CDH3: variants seen among roughly 807,000 people sequenced by gnomAD.
CDH3 encodes the protein cadherin-3.
In CDH3, 54 loss-of-function variants were observed where a neutral mutation model predicts 82.0. The ratio of observed to expected loss-of-function variants is 0.66; its 90% CI spans 0.53 to 0.83. The LOEUF is 0.83. CDH3 is among the 40% of genes least tolerant of loss of function. The probability of loss-of-function intolerance (pLI) is 0.00; values close to 1 mark genes in which losing one functional copy is unlikely to be tolerated. For missense variants in CDH3, 1,054 were observed against 1,084.6 expected (o/e 0.97, Z 0.40); for synonymous variants, 446 against 437.9 (o/e 1.02, Z -0.23).
intron 7 of CDH3, among the ~76,000 whole-genome samples, 158 bp downstream of exon 7, chr16:68,680,132 C>A (rs909624009): frequency 2.0e-5 from 3 of 152,250 alleles, no homozygotes; most frequent in African/African-American, 7.2e-5. Flanking sequence ...ACATGCCATG[C>A]CCCTGGTTCC....
In CDH3 at chr16:68,698,459, C is replaced by G. The variant is rs1208885359; in HGVS notation, c.*59C>G. On this transcript the variant is annotated 3_prime_UTR_variant, in exon 16 of 16. Coordinates refer to ENST00000264012, the MANE Select transcript of CDH3 (RefSeq NM_001793.6). ...AGGCCACAGAGCATCTCCAAGGGGTCTCAGTTCCCCCTTCAGCTGAGGACT... is the reference window on the plus strand; with the variant it reads ...AGGCCACAGAGCATCTCCAAGGGGTGTCAGTTCCCCCTTCAGCTGAGGACT... 3.4e-5 allele frequency: 50 copies of G among 1,485,318 alleles called. No individual in the cohort carries two copies. In the East Asian group the frequency reaches 1.1e-3, roughly 32 times the overall value. 92.0% of individuals were successfully genotyped at this position (1,485,318 alleles called of 1,614,324 possible).
At chr16:68,648,266 A>G (rs144421087) in intron 2 of CDH3, among the ~76,000 whole-genome samples, 17 of 152,296 alleles carry the variant, frequency 1.1e-4, no homozygotes, top group African/African-American at 4.1e-4. Flanking sequence ...ACCTCCTGGT[A>G]TATGCCCAGG....
intron 1 of CDH3, among the ~76,000 whole-genome samples, chr16:68,706,796 C>T (rs1439186691): frequency 7.2e-5 from 11 of 151,992 alleles, no homozygotes; most frequent in Admixed American, 1.3e-4. Context: ...TCAAATGATC[C>T]GCCTGCCTCA....
At chr16:68,684,146 G>T (rs1961326324) in intron 9 of CDH3, among the ~76,000 whole-genome samples, 1 of 151,544 alleles carries the variant, frequency 6.6e-6, no homozygotes, top group Admixed American at 6.6e-5. Flanking sequence ...TGGGAAGATA[G>T]CTTGAGCCCA....
At chr16:68,682,133 C>T (rs1961244766) in intron 8 of CDH3, among the ~76,000 whole-genome samples, 169 bp from the exon 9 acceptor site, 2 of 151,394 alleles carry the variant, frequency 1.3e-5, no homozygotes, top group South Asian at 2.1e-4. Context: ...GAGGCTGCTG[C>T]TGGGGACATC....
At chr16:68,682,092 C>T (rs1222156134) in intron 8 of CDH3, among the ~76,000 whole-genome samples, 1 of 149,876 alleles carries the variant, frequency 6.7e-6, no homozygotes, top group Non-Finnish European at 1.5e-5. Flanking sequence ...AAAGCAGGCA[C>T]AGGATTGGTG....
At chr16:68,690,254 A>G (rs1330314333) in intron 12 of CDH3, among the ~76,000 whole-genome samples, 1 of 152,212 alleles carries the variant, frequency 6.6e-6, no homozygotes, top group Non-Finnish European at 1.5e-5. Flanking sequence ...GTGATAACAC[A>G]GGTTAGCATC....
intron 2 of CDH3, among the ~76,000 whole-genome samples, chr16:68,669,071 C>T (rs905618357): frequency 6.6e-6 from 1 of 152,196 alleles, no homozygotes; most frequent in Non-Finnish European, 1.5e-5. Flanking sequence ...TTCTGGACTC[C>T]AAATTTCGTA....
intron 2 of CDH3, among the ~76,000 whole-genome samples, chr16:68,665,577 C>T (rs939576225): frequency 2.0e-5 from 3 of 152,200 alleles, no homozygotes; most frequent in South Asian, 2.1e-4. Context: ...AAGTGATTGA[C>T]GCAAGGCTGC....
chr16:68,664,936 C>G (rs2048254439), intron 2 of CDH3, among the ~76,000 whole-genome samples: 1 of 152,104 alleles, frequency 6.6e-6, no homozygotes, highest in African/African-American at 2.4e-5. Flanking sequence ...AGGCATGAGC[C>G]ACTGTGCCTA....
chr16:68,692,452 A>G (rs1447080340), intron 13 of CDH3, among the ~76,000 whole-genome samples: 2 of 152,210 alleles, frequency 1.3e-5, no homozygotes, highest in Non-Finnish European at 1.5e-5. Context: ...CGGCCCTGCC[A>G]TCAGGTCATC....
chr16:68,687,380 T>C (rs1961441082), intron 11 of CDH3, 132 bp from the exon 12 acceptor site: 1 of 694,698 alleles, frequency 1.4e-6, no homozygotes, highest in African/African-American at 1.7e-5. Flanking sequence ...AACTGGCATG[T>C]ATGTGCCATG....
At chr16:68,712,722 C>T (rs1962045990) in intron 1 of CDH3, among the ~76,000 whole-genome samples, 1 of 152,012 alleles carries the variant, frequency 6.6e-6, no homozygotes, top group Non-Finnish European at 1.5e-5. Context: ...CCCTCTGTCA[C>T]CCAGGCTGGA....
chr16:68,705,091 A>G (rs942385546), downstream of CDH3, among the ~76,000 whole-genome samples: 1 of 152,148 alleles, frequency 6.6e-6, no homozygotes, highest in Non-Finnish European at 1.5e-5. Flanking sequence ...GAGAGAGGTT[A>G]ATGGCCACAT....
chr16:68,730,074 A>G (rs1457082102), downstream of CDH3, among the ~76,000 whole-genome samples: 1 of 151,866 alleles, frequency 6.6e-6, no homozygotes, highest in East Asian at 1.9e-4. Flanking sequence ...CTCTACTAAA[A>G]ATACAAAAAT....
chr16:68,680,595 C>T (rs567658029), intron 7 of CDH3, among the ~76,000 whole-genome samples: 21 of 152,310 alleles, frequency 1.4e-4, no homozygotes, highest in African/African-American at 5.1e-4. Context: ...AGGAGAATCA[C>T]TTGAACCTGG....
intron 1 of CDH3, among the ~76,000 whole-genome samples, chr16:68,709,789 G>A (rs1962005757): frequency 6.6e-6 from 1 of 152,096 alleles, no homozygotes; most frequent in Non-Finnish European, 1.5e-5. Flanking sequence ...ACCATCATCA[G>A]CCCAGCTGCC....
chr16:68,733,464 C>T, the CDH3 span, among the ~76,000 whole-genome samples: 4 of 151,868 alleles, frequency 2.6e-5, no homozygotes, highest in Admixed American at 6.6e-5. Flanking sequence ...AAACAGAGGG[C>T]AGGCACAGTG....
At position 68,686,421 on chromosome 16, in the gene CDH3, C is replaced by T. The variant is rs140946413; in HGVS notation, c.1570+1071C>T. The T allele has an allele frequency of 7.4e-3, 10,112 of 1,367,496 alleles. 88 individuals carry two copies. Among genetic ancestry groups the T allele is most frequent in the Middle Eastern group, 9.9e-3 (55 of 5,546 alleles). 84.7% of individuals were successfully genotyped at this position (1,367,496 alleles called of 1,614,324 possible). On this transcript the variant is annotated intron_variant, in intron 11 of 15. Coordinates refer to ENST00000264012, the MANE Select transcript of CDH3 (RefSeq NM_001793.6). Reference sequence around the variant, plus strand: ...TAGAAAGTTTCTTCCACTCTTTGACCGAGTATTGGTTGAAAGGAGCGCCGC... The same window carrying T: ...TAGAAAGTTTCTTCCACTCTTTGACTGAGTATTGGTTGAAAGGAGCGCCGC...
Sources: gnomAD v4.1 joint callset for allele counts (sites outside exome capture counted in the v4.1 genomes callset) on GRCh38, gnomAD v4.1.1 for gene constraint, MANE v1.5 for transcripts, NCBI Gene and HGNC (gene_info 2026-07-23, HGNC 2026-07-21) for gene names.